The following PDE4B variants were observed in gnomAD, a reference collection of about 807,000 sequenced individuals.
The protein encoded by PDE4B is 3',5'-cyclic-AMP phosphodiesterase 4B.
Under a neutral mutation model 82.2 loss-of-function variants are expected in PDE4B, and 20 were observed. That is an observed-to-expected ratio of 0.24 (90% CI 0.17 to 0.35). PDE4B has a LOEUF of 0.35. PDE4B is among the 10% of genes least tolerant of loss of function. The pLI is 1.00. For synonymous variants in PDE4B, 320 were observed against 318.9 expected, an observed-to-expected ratio of 1.00 and a Z score of -0.04; for missense variants, 655 against 907.2, an observed-to-expected ratio of 0.72 and a Z score of 3.57.
chr1:65,917,904 C>CT (rs550298369), intron 2 of PDE4B, among the ~76,000 whole-genome samples: 62 of 152,316 alleles, frequency 4.1e-4, no homozygotes, highest in African/African-American at 1.4e-3. Context: ...TGGCTCATGC[C>CT]TGTAATCCCA....
chr1:65,992,375 T>C (rs1651291430), intron 3 of PDE4B: 1 of 152,368 alleles, frequency 6.6e-6, no homozygotes, highest in Admixed American at 6.5e-5. Flanking sequence ...GTTACTGTTG[T>C]GTGCATTACA....
intron 3 of PDE4B, among the ~76,000 whole-genome samples, chr1:66,169,969 G>C (rs1267242929): frequency 2.0e-5 from 3 of 152,156 alleles, no homozygotes; most frequent in Non-Finnish European, 4.4e-5. Flanking sequence ...TAAGTCATTT[G>C]TATTTATATA....
At chr1:66,183,199 T>C (rs758702392) in intron 3 of PDE4B, among the ~76,000 whole-genome samples, 1 of 152,168 alleles carries the variant, frequency 6.6e-6, no homozygotes, top group Non-Finnish European at 1.5e-5. Context: ...TAGACAATGA[T>C]AGGAACACAG....
At chr1:66,278,746 T>C (rs1370667548) in intron 7 of PDE4B, among the ~76,000 whole-genome samples, 7 of 152,188 alleles carry the variant, frequency 4.6e-5, no homozygotes, top group Admixed American at 4.6e-4. Flanking sequence ...GCAGCTCCTT[T>C]ATTGCTTCAT....
intron 4 of PDE4B, among the ~76,000 whole-genome samples, chr1:66,253,126 G>A (rs929217739): frequency 6.6e-6 from 1 of 152,128 alleles, no homozygotes; most frequent in Admixed American, 6.5e-5. Flanking sequence ...ACAGAACCCT[G>A]TTTGACAGGT....
intron 3 of PDE4B, among the ~76,000 whole-genome samples, chr1:66,191,250 A>G (rs763893572): frequency 6.6e-6 from 1 of 152,182 alleles, no homozygotes; most frequent in Non-Finnish European, 1.5e-5. Flanking sequence ...AAAGAGGTCA[A>G]TTCAGCAAAG....
At chr1:66,327,603 G>A (rs1659831973) in intron 7 of PDE4B, among the ~76,000 whole-genome samples, 1 of 152,142 alleles carries the variant, frequency 6.6e-6, no homozygotes, top group Admixed American at 6.6e-5. Flanking sequence ...CCTTTCCCAT[G>A]AGAATAGGAT....
intron 1 of PDE4B, among the ~76,000 whole-genome samples, chr1:65,840,063 G>A (rs1345303690): frequency 2.0e-5 from 3 of 152,100 alleles, no homozygotes; most frequent in Non-Finnish European, 4.4e-5. Flanking sequence ...TGTGTAAATT[G>A]CACCACATGA....
At chr1:65,941,303 C>T (rs1648435568) in intron 3 of PDE4B, among the ~76,000 whole-genome samples, 1 of 152,034 alleles carries the variant, frequency 6.6e-6, no homozygotes, top group African/African-American at 2.4e-5. Flanking sequence ...GACAGCTTCG[C>T]TCTCAGAAAC....
At chr1:66,358,761 A>G (rs1317763287) in intron 9 of PDE4B, among the ~76,000 whole-genome samples, 1 of 152,172 alleles carries the variant, frequency 6.6e-6, no homozygotes, top group Non-Finnish European at 1.5e-5. Context: ...TGAGCACAAA[A>G]TAAGAAGATC....
At chr1:66,073,262 T>TAA (rs1656253786) in intron 3 of PDE4B, among the ~76,000 whole-genome samples, 1 of 152,126 alleles carries the variant, frequency 6.6e-6, no homozygotes, top group Non-Finnish European at 1.5e-5. Flanking sequence ...TCTGTGGGAT[T>TAA]AGGCAGATCT....
In PDE4B at chr1:66,373,524, G is replaced by A. The variant is rs534323214; in HGVS notation, c.*846G>A. The A allele has an allele frequency of 6.5e-6, 1 of 152,824 alleles. No individual in the cohort carries two copies. The highest frequency in any genetic ancestry group is 2.4e-5 in the African/African-American group (1 of 41,546). The allele number at this position is 152,824 out of a possible 1,614,324, so 9.5% of individuals were successfully genotyped here. ...CCCTGCCCCCCACAGGAGTTGTACA[G>A]TCCCTGGCCCTGTTCCCTACCTCCT... On this transcript the variant is annotated 3_prime_UTR_variant, in exon 17 of 17. Coordinates refer to ENST00000341517, the MANE Select transcript of PDE4B (RefSeq NM_002600.4).
chr1:66,199,561 G>A (rs187947957), intron 3 of PDE4B, among the ~76,000 whole-genome samples: 2 of 152,080 alleles, frequency 1.3e-5, no homozygotes, highest in East Asian at 3.9e-4. Flanking sequence ...CTCCCATTTT[G>A]TAAGTTGCCT....
At chr1:65,897,438 C>G (rs1646923648) in intron 1 of PDE4B, among the ~76,000 whole-genome samples, 1 of 152,066 alleles carries the variant, frequency 6.6e-6, no homozygotes, top group South Asian at 2.1e-4. Context: ...TTGGGTAATA[C>G]TGAGGTTTGG....
chr1:66,371,045 A>G (rs1335709541), intron 16 of PDE4B, among the ~76,000 whole-genome samples: 2 of 132,382 alleles, frequency 1.5e-5, no homozygotes, highest in Non-Finnish European at 3.2e-5. Flanking sequence ...ATACATATAT[A>G]TATACACACA....
Position 66,155,791 on chromosome 1 carries a change from C to T in PDE4B, c.282-91669C>T, listed in dbSNP as rs1646491193. Among the ~76,000 whole-genome samples the T allele has an allele frequency of 2.0e-5, 3 of 152,140 alleles. No homozygotes were observed. In the South Asian group the frequency reaches 6.2e-4, roughly 32 times the overall value. On this transcript the variant is annotated intron_variant, in intron 3 of 16. Coordinates refer to ENST00000341517, the MANE Select transcript of PDE4B (RefSeq NM_002600.4). ...AACTTGCCCTCATCTAATCTAACTT[C>T]AAATGAGTTCTCTTTCCAACACATG...
intron 3 of PDE4B, among the ~76,000 whole-genome samples, chr1:65,941,799 T>C (rs937526392): frequency 1.9e-4 from 29 of 152,068 alleles, no homozygotes; most frequent in African/African-American, 7.0e-4. Flanking sequence ...AAATATAGTA[T>C]GTTGGTGTTA....
intron 3 of PDE4B, among the ~76,000 whole-genome samples, chr1:66,155,617 A>C (rs1646487788): frequency 6.6e-6 from 1 of 151,296 alleles, no homozygotes; most frequent in African/African-American, 2.4e-5. Context: ...ATATTTATAT[A>C]TACATGTGTA....
chr1:66,099,464 G>T (rs905012550), intron 3 of PDE4B, among the ~76,000 whole-genome samples: 1 of 152,112 alleles, frequency 6.6e-6, no homozygotes, highest in African/African-American at 2.4e-5. Flanking sequence ...ATTAGTGGAT[G>T]CCACTTAATG....
Sources: gnomAD v4.1 joint callset for allele counts (sites outside exome capture counted in the v4.1 genomes callset) on GRCh38, gnomAD v4.1.1 for gene constraint, MANE v1.5 for transcripts, NCBI Gene and HGNC (gene_info 2026-07-23, HGNC 2026-07-21) for gene names.